Variants in PKHD1 observed in about 807,000 individuals in gnomAD.
PKHD1 encodes the protein fibrocystin.
Under a neutral mutation model 412.0 loss-of-function variants are expected in PKHD1, and 291 were observed. The observed-to-expected ratio is 0.71, with a 90% CI of 0.64 to 0.78. PKHD1 has a LOEUF of 0.78. Among genes scored for constraint, PKHD1 ranks in the 30% least tolerant of loss-of-function variants. The probability of loss-of-function intolerance (pLI) is 0.00; values close to 1 mark genes in which losing one functional copy is unlikely to be tolerated. For missense variants in PKHD1, 4,825 were observed against 4,950.7 expected (o/e 0.97, Z 0.76); for synonymous variants, 1,777 against 1,821.5 (o/e 0.98, Z 0.62).
At chr6:51,899,606 C>A (rs1226115540) in intron 43 of PKHD1, among the ~76,000 whole-genome samples, 1 of 150,868 alleles carries the variant, frequency 6.6e-6, no homozygotes, top group Non-Finnish European at 1.5e-5. Context: ...AAAACTGGCA[C>A]AAGACAGGGA....
At chr6:52,030,395 C>G (rs1369782438) in intron 29 of PKHD1, among the ~76,000 whole-genome samples, 1 of 152,216 alleles carries the variant, frequency 6.6e-6, no homozygotes, top group African/African-American at 2.4e-5. Flanking sequence ...CACAAAAAGG[C>G]CTTAATTAAC....
At chr6:51,835,605 A>T (rs1769070874) in intron 51 of PKHD1, among the ~76,000 whole-genome samples, 1 of 152,214 alleles carries the variant, frequency 6.6e-6, no homozygotes, top group Admixed American at 6.6e-5. Context: ...GACAAGGAAC[A>T]TAAAAAACAA....
At chr6:52,029,324 G>A (rs2128155746) in intron 29 of PKHD1, among the ~76,000 whole-genome samples, 1 of 152,268 alleles carries the variant, frequency 6.6e-6, no homozygotes, top group Non-Finnish European at 1.5e-5. Flanking sequence ...TGTACACTAT[G>A]AACACTTTCA....
rs1562177292 is a variant in PKHD1, at chr6:52,028,323, C to T, written c.3393G>A (p.Ala1131=). 27 of 1,613,832 alleles carry T rather than the reference C, an allele frequency of 1.7e-5. No individual in the cohort carries two copies. Among genetic ancestry groups the T allele is most frequent in the Non-Finnish European group, 2.0e-5 (24 of 1,180,028 alleles). ...AGGETLVIGV[A]RLMNYTDLDV... is the part of the protein sequence containing the mutation. ...CCAAATCCGTATAGTTCATCAGCCT[C>T]GCCACTCCAATGACCAGGGTCTCAC... The change falls in exon 30 of 67, where the codon GCG becomes GCA. Residue 1131 remains alanine (A), a synonymous_variant. Coordinates refer to ENST00000371117, the MANE Select transcript of PKHD1 (RefSeq NM_138694.4).
intron 52 of PKHD1, among the ~76,000 whole-genome samples, chr6:51,815,136 T>C (rs1228810546): frequency 6.6e-6 from 1 of 152,164 alleles, no homozygotes; most frequent in African/African-American, 2.4e-5. Flanking sequence ...GTCCTGGAAA[T>C]ACTTTAGTAG....
chr6:51,649,262 C>T (rs982622750), intron 61 of PKHD1, 42 bp from the exon 62 acceptor site: 4 of 1,481,470 alleles, frequency 2.7e-6, no homozygotes, highest in Non-Finnish European at 3.8e-6. Flanking sequence ...CTTAGGATTA[C>T]ACATATCCCT....
At chr6:51,717,767 G>C (rs1413821162) in intron 60 of PKHD1, among the ~76,000 whole-genome samples, 1 of 152,184 alleles carries the variant, frequency 6.6e-6, no homozygotes, top group South Asian at 2.1e-4. Context: ...TCAATAGGCA[G>C]GGAAAGGAAG....
chr6:51,842,277 C>T (rs949618157), intron 50 of PKHD1, among the ~76,000 whole-genome samples: 1 of 152,078 alleles, frequency 6.6e-6, no homozygotes, highest in South Asian at 2.1e-4. Flanking sequence ...TGTGTGAACT[C>T]GGGAGGGCAA....
At chr6:51,973,221 A>G (rs1793924178) in intron 35 of PKHD1, among the ~76,000 whole-genome samples, 2 of 152,236 alleles carry the variant, frequency 1.3e-5, no homozygotes, top group Admixed American at 6.5e-5. Flanking sequence ...AAGAAGATTA[A>G]TAAAATATAT....
chr6:52,019,074 G>A (rs1042126615), intron 33 of PKHD1, among the ~76,000 whole-genome samples: 2 of 152,140 alleles, frequency 1.3e-5, no homozygotes, highest in Non-Finnish European at 2.9e-5. Flanking sequence ...AGGCAGACTG[G>A]GAATGATCTT....
intron 55 of PKHD1, among the ~76,000 whole-genome samples, chr6:51,770,166 G>C (rs11756701): frequency 6.6e-6 from 1 of 151,174 alleles, no homozygotes. Context: ...AGATAAATAC[G>C]TGTCTTAGAT....
At chr6:51,885,024 G>C (rs189272567) in intron 45 of PKHD1, among the ~76,000 whole-genome samples, 138 of 152,256 alleles carry the variant, frequency 9.1e-4, no homozygotes, top group African/African-American at 3.1e-3. Context: ...TGAAACAAAT[G>C]TTTGACTTTC....
intron 50 of PKHD1, among the ~76,000 whole-genome samples, chr6:51,840,170 G>A (rs975626869): frequency 6.6e-6 from 1 of 152,026 alleles, no homozygotes; most frequent in African/African-American, 2.4e-5. Context: ...TGACCTCTTT[G>A]GCTTAGCCAC....
intron 52 of PKHD1, among the ~76,000 whole-genome samples, chr6:51,816,756 C>T (rs530328147): frequency 4.8e-4 from 73 of 152,318 alleles, no homozygotes; most frequent in African/African-American, 1.7e-3. Context: ...CTGTATATCA[C>T]TTTCCTTTTT....
At chr6:51,623,937 A>C (rs1253676579) in intron 66 of PKHD1, among the ~76,000 whole-genome samples, 1 of 152,186 alleles carries the variant, frequency 6.6e-6, no homozygotes, top group East Asian at 1.9e-4. Context: ...TATATGTTAT[A>C]AAATTATGGT....
At chr6:51,693,731 C>G (rs1364965253) in intron 60 of PKHD1, among the ~76,000 whole-genome samples, 1 of 152,140 alleles carries the variant, frequency 6.6e-6, no homozygotes, top group East Asian at 1.9e-4. Flanking sequence ...TCATTGAAAA[C>G]AATAACAACA....
chr6:52,012,770 C>T (rs1335794334), intron 34 of PKHD1, among the ~76,000 whole-genome samples: 1 of 152,114 alleles, frequency 6.6e-6, no homozygotes, highest in Non-Finnish European at 1.5e-5. Flanking sequence ...TGAAGGTCTC[C>T]CGCTATGTTT....
intron 53 of PKHD1, among the ~76,000 whole-genome samples, chr6:51,779,523 G>A (rs1254114383): frequency 1.3e-5 from 2 of 152,068 alleles, no homozygotes; most frequent in African/African-American, 4.8e-5. Flanking sequence ...AAGAAACTAT[G>A]TATTCCCAGC....
chr6:52,028,281 G>A lies in PKHD1; in HGVS notation c.3435C>T (p.Val1145=), dbSNP rs371910787. ...NYTDLDVEVH[V]QDALAPVHTQ... ...TGTGAACCGGAGCCAAGGCATCCTG[G>A]ACGTGGACTTCCACATCCAAATCCG... The change falls in exon 30 of 67, where the codon GTC becomes GTT. Residue 1145 remains valine (V), a synonymous_variant. Coordinates refer to ENST00000371117, the MANE Select transcript of PKHD1 (RefSeq NM_138694.4). The A allele has an allele frequency of 3.7e-6, 6 of 1,614,044 alleles. No individual in the cohort carries two copies. Among genetic ancestry groups the A allele is most frequent in the African/African-American group, 1.3e-5 (1 of 74,922 alleles).
Sources: gnomAD v4.1 joint callset for allele counts (sites outside exome capture counted in the v4.1 genomes callset) on GRCh38, gnomAD v4.1.1 for gene constraint, MANE v1.5 for transcripts, NCBI Gene and HGNC (gene_info 2026-07-23, HGNC 2026-07-21) for gene names.